DPP10: variants seen among roughly 807,000 people sequenced by gnomAD.
The protein encoded by DPP10 is inactive dipeptidyl peptidase 10.
Under a neutral mutation model 120.9 loss-of-function variants are expected in DPP10, and 33 were observed. The ratio of observed to expected loss-of-function variants is 0.27; its 90% CI spans 0.21 to 0.37. The LOEUF (loss-of-function observed/expected upper bound fraction) is 0.37. DPP10 is among the 10% of genes least tolerant of loss of function. The pLI is 1.00. For synonymous variants in DPP10, 337 were observed against 326.1 expected, an observed-to-expected ratio of 1.03 and a Z score of -0.36; for missense variants, 816 against 942.8, an observed-to-expected ratio of 0.87 and a Z score of 1.76.
chr2:115,083,185 C>T (rs1016638890), intron 1 of DPP10, among the ~76,000 whole-genome samples: 1 of 151,900 alleles, frequency 6.6e-6, no homozygotes, highest in Non-Finnish European at 1.5e-5. Context: ...GTTAGGTTTC[C>T]GTCTTTTTCT....
At chr2:115,165,428 G>T (rs2052762472) in intron 1 of DPP10, among the ~76,000 whole-genome samples, 1 of 152,162 alleles carries the variant, frequency 6.6e-6, no homozygotes, top group Non-Finnish European at 1.5e-5. Flanking sequence ...ATATGTGTAT[G>T]TGTGCACATG....
chr2:115,500,953 A>C (rs1232284451), intron 4 of DPP10, among the ~76,000 whole-genome samples: 1 of 152,038 alleles, frequency 6.6e-6, no homozygotes, highest in African/African-American at 2.4e-5. Context: ...GCCATTAGTA[A>C]GAAGATAGGA....
chr2:115,739,837 A>G lies in DPP10; in HGVS notation c.796A>G (p.Ile266Val). The G allele has an allele frequency of 6.2e-7, 1 of 1,613,546 alleles. No individual in the cohort carries two copies. Among genetic ancestry groups the G allele is most frequent in the Non-Finnish European group, 8.5e-7 (1 of 1,179,568 alleles). The change falls in exon 9 of 26, where the codon ATC becomes GTC. Residue 266 changes from isoleucine (I) to valine (V), a missense_variant. This residue lies in a region of DPP10 where 592 missense variants were observed against 649.0 expected (regional missense o/e 0.91). Transcript: ENST00000410059. ...INDSLVPTMV[I>V]PRFTGALYPK... is the part of the protein sequence containing the mutation. ...TGACTCTTTGGTACCCACCATGGTT[A>G]TCCCTCGGTTTACTGGAGCGTTGTA...
intron 1 of DPP10, among the ~76,000 whole-genome samples, chr2:115,228,040 G>T (rs1339914690): frequency 6.6e-6 from 1 of 151,266 alleles, no homozygotes; most frequent in Non-Finnish European, 1.5e-5. Context: ...CTCCTGCTAC[G>T]GCCTCCTGAG....
At chr2:115,005,392 G>T (rs1178750789) in intron 1 of DPP10, among the ~76,000 whole-genome samples, 1 of 152,168 alleles carries the variant, frequency 6.6e-6, no homozygotes, top group African/African-American at 2.4e-5. Flanking sequence ...GCTGAGAGAA[G>T]AAGGCTTCAG....
intron 1 of DPP10, among the ~76,000 whole-genome samples, chr2:115,305,236 C>G (rs1411793566): frequency 6.6e-6 from 1 of 152,022 alleles, no homozygotes; most frequent in Non-Finnish European, 1.5e-5. Flanking sequence ...CTAACATGTT[C>G]CTTGTCTAAG....
At chr2:115,289,232 A>G (rs2060537415) in intron 1 of DPP10, among the ~76,000 whole-genome samples, 1 of 152,080 alleles carries the variant, frequency 6.6e-6, no homozygotes, top group Non-Finnish European at 1.5e-5. Flanking sequence ...ATGCTTAACT[A>G]AGGAGGTGAA....
chr2:115,561,230 G>A (rs530155375), intron 5 of DPP10, among the ~76,000 whole-genome samples: 38 of 151,700 alleles, frequency 2.5e-4, no homozygotes, highest in Non-Finnish European at 4.6e-4. Flanking sequence ...TTGGTGGCAC[G>A]CACCTGTAAT....
chr2:115,367,581 GT>G (rs1002395373), intron 3 of DPP10, among the ~76,000 whole-genome samples: 2 of 151,832 alleles, frequency 1.3e-5, no homozygotes, highest in African/African-American at 4.8e-5. Context: ...TTTTCTAAGT[GT>G]TTCAAATTAT....
chr2:115,412,982 T>G (rs965497549), intron 3 of DPP10, among the ~76,000 whole-genome samples: 2 of 152,166 alleles, frequency 1.3e-5, no homozygotes, highest in African/African-American at 4.8e-5. Context: ...CTTTAAATAC[T>G]AATATTATCA....
intron 1 of DPP10, among the ~76,000 whole-genome samples, chr2:114,456,253 G>A (rs1311348395): frequency 6.6e-6 from 1 of 152,178 alleles, no homozygotes; most frequent in Non-Finnish European, 1.5e-5. Flanking sequence ...ATACTAAGCA[G>A]GACATAACAC....
chr2:115,156,058 TTGAC>T (rs1284864107), intron 1 of DPP10, among the ~76,000 whole-genome samples: 1 of 152,202 alleles, frequency 6.6e-6, no homozygotes, highest in Non-Finnish European at 1.5e-5. Flanking sequence ...GTGTGACAGA[TTGAC>T]AGACAGATGA....
chr2:114,675,472 G>A (rs1372677486), intron 1 of DPP10, among the ~76,000 whole-genome samples: 1 of 152,060 alleles, frequency 6.6e-6, no homozygotes, highest in Non-Finnish European at 1.5e-5. Flanking sequence ...TAAACACGTG[G>A]GTAAAAAGGC....
At chr2:115,764,169 ACTT>A (rs1680442047) in intron 12 of DPP10, among the ~76,000 whole-genome samples, 1 of 151,462 alleles carries the variant, frequency 6.6e-6, no homozygotes, top group Non-Finnish European at 1.5e-5. Flanking sequence ...GATGTTTTTT[ACTT>A]CTAATTGTAA....
intron 1 of DPP10, among the ~76,000 whole-genome samples, chr2:114,941,024 C>T (rs922735442): frequency 6.6e-6 from 1 of 152,218 alleles, no homozygotes; most frequent in Non-Finnish European, 1.5e-5. Context: ...GAAGGCCACA[C>T]ACTCTCAATG....
At position 115,217,917 on chromosome 2, in the gene DPP10, T is replaced by G. The variant is rs1306709458; in HGVS notation, c.61-91322T>G. On this transcript the variant is annotated intron_variant, in intron 1 of 25. Coordinates refer to ENST00000410059, the MANE Select transcript of DPP10 (RefSeq NM_020868.6). ...CCTTATCTCAGACCCCAGTCTAGGC[T>G]TAGATGCTCCCACGTCATGCTCTGC... 2.0e-5 allele frequency among the ~76,000 whole-genome samples: 3 copies of G among 152,148 alleles called. No individual in the cohort carries two copies. The East Asian group carries it at 5.8e-4, about 29-fold the overall frequency.
At chr2:114,532,697 G>A (rs1337788942) in intron 1 of DPP10, among the ~76,000 whole-genome samples, 1 of 152,112 alleles carries the variant, frequency 6.6e-6, no homozygotes, top group Non-Finnish European at 1.5e-5. Context: ...GAATAGCTGT[G>A]TAAGAAAAGA....
chr2:115,734,904 T>C (rs1413994973), intron 8 of DPP10, among the ~76,000 whole-genome samples: 6 of 151,440 alleles, frequency 4.0e-5, no homozygotes, highest in African/African-American at 1.5e-4. Context: ...CCCCTTATCA[T>C]GAACAAGGTA....
chr2:114,465,257 G>C (rs1679259624), intron 1 of DPP10, among the ~76,000 whole-genome samples: 1 of 152,220 alleles, frequency 6.6e-6, no homozygotes, highest in Non-Finnish European at 1.5e-5. Flanking sequence ...CATACGAAGT[G>C]TTTAGCACAG....
Sources: gnomAD v4.1 joint callset for allele counts (sites outside exome capture counted in the v4.1 genomes callset) on GRCh38, gnomAD v4.1.1 for gene constraint, gnomAD v4.1.1 regional missense constraint, MANE v1.5 for transcripts, NCBI Gene and HGNC (gene_info 2026-07-23, HGNC 2026-07-21) for gene names.